ELP4: variants seen among roughly 807,000 people sequenced by gnomAD.
ELP4 encodes the protein elongator complex protein 4.
Under a neutral mutation model 48.9 loss-of-function variants are expected in ELP4, and 51 were observed. The observed-to-expected ratio is 1.04, with a 90% confidence interval of 0.83 to 1.32. The LOEUF (loss-of-function observed/expected upper bound fraction) is 1.32, where lower values mean the gene tolerates loss of function less well. Ranked by LOEUF, ELP4 falls within the 40% of genes most tolerant of loss-of-function variation. The probability of loss-of-function intolerance (pLI) is 0.00; values close to 1 mark genes in which losing one functional copy is unlikely to be tolerated. For missense variants in ELP4, 519 were observed against 514.6 expected (o/e 1.01, Z -0.08); for synonymous variants, 210 against 189.2 (o/e 1.11, Z -0.90).
chr11:31,599,510 CACACACACACACAAAAAAAA>C (rs796679138), intron 4 of ELP4: 927 of 21,394 alleles, frequency 0.043, 16 homozygotes, highest in South Asian at 0.25. Flanking sequence ...CACACACACA[CACACACACACACAAAAAAAA>C]AAAACCTGGC....
intron 1 of ELP4, among the ~76,000 whole-genome samples, chr11:31,515,349 A>T (rs1236274365): frequency 6.6e-6 from 1 of 152,160 alleles, no homozygotes; most frequent in African/African-American, 2.4e-5. Context: ...TAGAATTTTA[A>T]TACACATAAG....
chr11:31,521,658 G>A (rs1201798111), intron 2 of ELP4, among the ~76,000 whole-genome samples: 5 of 151,954 alleles, frequency 3.3e-5, no homozygotes, highest in Middle Eastern at 3.2e-3. Context: ...GCACAATAAG[G>A]ATCAAAGTTG....
At chr11:31,527,755 A>C (rs1186856876) in intron 2 of ELP4, among the ~76,000 whole-genome samples, 1 of 152,068 alleles carries the variant, frequency 6.6e-6, no homozygotes, top group Non-Finnish European at 1.5e-5. Context: ...TGCACTTTCT[A>C]ATATGAGAAG....
intron 9 of ELP4, among the ~76,000 whole-genome samples, chr11:31,697,229 G>C (rs1946427988): frequency 6.6e-6 from 1 of 152,132 alleles, no homozygotes; most frequent in Non-Finnish European, 1.5e-5. Context: ...TTGAGCAGCT[G>C]CTGACTTCCT....
intron 9 of ELP4, chr11:31,780,768 T>C (rs1187401541): frequency 6.6e-6 from 1 of 152,224 alleles, no homozygotes; most frequent in African/African-American, 2.4e-5. Flanking sequence ...ATAGGTAGGC[T>C]CCTGAAATAA....
At chr11:31,590,313 AG>A (rs1420440255) in intron 3 of ELP4, among the ~76,000 whole-genome samples, 1 of 152,172 alleles carries the variant, frequency 6.6e-6, no homozygotes, top group Non-Finnish European at 1.5e-5. Context: ...AAACTAGACC[AG>A]GACTTTGCAT....
intron 2 of ELP4, among the ~76,000 whole-genome samples, chr11:31,535,510 T>C (rs1298475371): frequency 4.6e-5 from 7 of 152,100 alleles, no homozygotes; most frequent in Non-Finnish European, 1.0e-4. Context: ...ACCCAGCTAA[T>C]TTTTTATTAT....
intron 3 of ELP4, among the ~76,000 whole-genome samples, chr11:31,588,512 A>T (rs1957514700): frequency 6.6e-6 from 1 of 152,196 alleles, no homozygotes; most frequent in African/African-American, 2.4e-5. Context: ...GGGAAATAGT[A>T]ACTGGTTTTA....
At chr11:31,709,811 A>G (rs1946703632) in intron 9 of ELP4, among the ~76,000 whole-genome samples, 1 of 152,222 alleles carries the variant, frequency 6.6e-6, no homozygotes, top group Admixed American at 6.5e-5. Flanking sequence ...ACTGCAATCT[A>G]GCTTGGGAAG....
chr11:31,516,335 G>GA (rs1189553838), intron 1 of ELP4, among the ~76,000 whole-genome samples: 2 of 152,148 alleles, frequency 1.3e-5, no homozygotes, highest in African/African-American at 4.8e-5. Context: ...TATATGTACA[G>GA]AAAAAGGCTA....
At chr11:31,776,098 C>G (rs1042791850) in intron 9 of ELP4, among the ~76,000 whole-genome samples, 5 of 141,312 alleles carry the variant, frequency 3.5e-5, no homozygotes, top group African/African-American at 1.3e-4. Context: ...CTGCAGTGAG[C>G]TGTGATTGCG....
At chr11:31,527,735 G>A (rs543536557) in intron 2 of ELP4, among the ~76,000 whole-genome samples, 2 of 152,142 alleles carry the variant, frequency 1.3e-5, no homozygotes, top group East Asian at 3.9e-4. Flanking sequence ...TTATCATAAT[G>A]TTGCCAGAAT....
At chr11:31,708,128 GTCT>G (rs1252335021) in intron 9 of ELP4, among the ~76,000 whole-genome samples, 1 of 152,074 alleles carries the variant, frequency 6.6e-6, no homozygotes, top group Non-Finnish European at 1.5e-5. Flanking sequence ...TTGCCATTCA[GTCT>G]TCTTGGACAT....
chr11:31,714,565 T>C (rs1946802920), intron 9 of ELP4: 1 of 397,966 alleles, frequency 2.5e-6, no homozygotes, highest in African/African-American at 2.1e-5. Context: ...CTATTGCTGC[T>C]ATGAAAAATT....
chr11:31,654,799 G>A (rs1161255740), intron 9 of ELP4: 1 of 151,766 alleles, frequency 6.6e-6, no homozygotes, highest in East Asian at 1.9e-4. Flanking sequence ...GTAGAATGTT[G>A]AATATGTTTA....
intron 9 of ELP4, among the ~76,000 whole-genome samples, chr11:31,656,519 C>T (rs909997614): frequency 2.0e-5 from 3 of 151,944 alleles, no homozygotes; most frequent in African/African-American, 7.2e-5. Context: ...GACACCTTGA[C>T]CGTAATTTTT....
At chr11:31,531,072 A>G (rs760852435) in intron 2 of ELP4, among the ~76,000 whole-genome samples, 7 of 152,188 alleles carry the variant, frequency 4.6e-5, no homozygotes, top group Non-Finnish European at 1.0e-4. Flanking sequence ...TTGTTTCACA[A>G]AATTGGTAAT....
At chr11:31,724,024 T>G (rs1947022538) in intron 9 of ELP4, among the ~76,000 whole-genome samples, 1 of 152,188 alleles carries the variant, frequency 6.6e-6, no homozygotes. Context: ...ACTTCAAAAA[T>G]TGCGACATTT....
rs971298951 is a variant in ELP4 at position 31,784,641 on chromosome 11, C to G, written c.*1117C>G. 6.5e-6 allele frequency: 1 copy of G among 154,864 alleles called. No homozygotes were observed. The highest frequency in any genetic ancestry group is 2.4e-5 in the African/African-American group (1 of 41,524). 9.6% of individuals were successfully genotyped at this position (154,864 alleles called of 1,614,324 possible). ...AATATTTTGAAGCAGTTATAACTAGCATTTTTAAGCAGCTTGCTTTTAATA... is the reference window on the plus strand; with the variant it reads ...AATATTTTGAAGCAGTTATAACTAGGATTTTTAAGCAGCTTGCTTTTAATA... On this transcript the variant is annotated 3_prime_UTR_variant, in exon 10 of 10. Coordinates refer to ENST00000640961, the MANE Select transcript of ELP4 (RefSeq NM_019040.5).
Sources: gnomAD v4.1 joint callset for allele counts (sites outside exome capture counted in the v4.1 genomes callset) on GRCh38, gnomAD v4.1.1 for gene constraint, MANE v1.5 for transcripts, NCBI Gene and HGNC (gene_info 2026-07-23, HGNC 2026-07-21) for gene names.